Variants in LDLRAD1 observed in about 807,000 individuals in gnomAD.
LDLRAD1 encodes the protein low density lipoprotein receptor class A domain containing 1, also known as low-density lipoprotein receptor class A domain-containing protein 1.
A neutral mutation model predicts 24.8 loss-of-function variants in LDLRAD1; 17 were observed. That is an observed-to-expected ratio of 0.69 (90% CI 0.47 to 1.03). The LOEUF (loss-of-function observed/expected upper bound fraction) is 1.03. LDLRAD1 is among the 50% of genes least tolerant of loss of function. The probability of loss-of-function intolerance (pLI) is 0.00; values close to 1 mark genes in which losing one functional copy is unlikely to be tolerated. For synonymous variants in LDLRAD1, 103 were observed against 108.2 expected (o/e 0.95, Z 0.30); for missense variants, 277 against 271.0 (o/e 1.02, Z -0.16).
rs754181712 is a variant in LDLRAD1, at chr1:54,017,412, T to C, written c.37A>G (p.Thr13Ala). The C allele has an allele frequency of 6.2e-6, 10 of 1,603,526 alleles. No individual in the cohort carries two copies. The East Asian group carries it at 2.0e-4, about 32-fold the overall frequency. ...KVFPQGENGY[T>A]AAESKAHPGG... is the part of the protein sequence containing the mutation. ...GGGTGGGCTTTGGATTCAGCAGCAG[T>C]GTAGCCATTCTCTCCCTGCCCAAGA... is the stretch of plus-strand genomic sequence containing the variant. The change falls in exon 2 of 6, where the codon ACT (threonine) becomes GCT (alanine). Residue 13 changes from threonine (T) to alanine (A), a missense_variant. Transcript: ENST00000371360.
At chr1:54,017,766 G>A (rs547006372) in intron 1 of LDLRAD1, among the ~76,000 whole-genome samples, 3 of 152,176 alleles carry the variant, frequency 2.0e-5, no homozygotes, top group South Asian at 2.1e-4. Context: ...TGTCCACCTG[G>A]CTCCTCTGTT....
In LDLRAD1 at chr1:54,008,876, C is replaced by CGGTGGT; in HGVS notation, c.*105_*106insACCACC. ...CTATTCAGAAATGATGTGTAGATCC[C>CGGTGGT]ATTTCAAAGGCTGCTTCCTGCCCTT... On this transcript the variant is annotated 3_prime_UTR_variant, in exon 6 of 6. Coordinates refer to ENST00000371360, the MANE Select transcript of LDLRAD1 (RefSeq NM_001010978.4). The CGGTGGT allele has an allele frequency of 1.0e-6, 1 of 986,040 alleles. No homozygotes were observed. Among genetic ancestry groups the CGGTGGT allele is most frequent in the African/African-American group, 1.7e-5 (1 of 59,804 alleles). 61.1% of individuals were successfully genotyped at this position (986,040 alleles called of 1,614,324 possible). A position where few individuals can be genotyped will look rare whatever the true frequency, so the allele number is the denominator to read the frequency against.
Position 54,014,221 on chromosome 1 carries a change from C to T in LDLRAD1, c.202+15G>A. 1.9e-6 allele frequency: 3 copies of T among 1,571,326 alleles called. No individual in the cohort carries two copies. The highest frequency in any genetic ancestry group is 1.2e-5 in the South Asian group (1 of 85,390). On this transcript the variant is annotated intron_variant, in intron 3 of 5. Transcript: ENST00000371360. ...CCCCGCCGGGTCTGACCCACCCTCT[C>T]TTGGCCGCCCTGACCTGGGGTGCAT...
intron 3 of LDLRAD1, among the ~76,000 whole-genome samples, chr1:54,012,703 G>C (rs560519981): frequency 6.6e-6 from 1 of 152,296 alleles, no homozygotes; most frequent in African/African-American, 2.4e-5. Context: ...CTGGTACCAG[G>C]TTAGAGTGTC....
intron 5 of LDLRAD1, 22 bp downstream of exon 5, chr1:54,010,260 C>A: frequency 6.2e-7 from 1 of 1,613,326 alleles, no homozygotes; most frequent in South Asian, 1.1e-5. Flanking sequence ...AGCCCCAGCC[C>A]AGCCTGTGCC....
At chr1:54,013,866 G>A (rs1656172165) in intron 3 of LDLRAD1, among the ~76,000 whole-genome samples, 2 of 152,070 alleles carry the variant, frequency 1.3e-5, no homozygotes. Flanking sequence ...GGTCCCCTGT[G>A]GTGGAGATGG....
Position 54,010,216 on chromosome 1 carries a change from T to C in LDLRAD1, c.469+66A>G, listed in dbSNP as rs1391347152. On this transcript the variant is annotated intron_variant, in intron 5 of 5. Transcript: ENST00000371360. ...AGGGGGAGCCCTAGAGATTCCCTGCTCACCCTTTGCCCTCTGGCTGCTGCC... is the reference window on the plus strand; with the variant it reads ...AGGGGGAGCCCTAGAGATTCCCTGCCCACCCTTTGCCCTCTGGCTGCTGCC... 5 of 1,586,356 alleles carry C rather than the reference T, an allele frequency of 3.2e-6. No homozygotes were observed. The African/African-American group carries it at 4.0e-5, about 13-fold the overall frequency.
chr1:54,017,793 C>A (rs1320928605), intron 1 of LDLRAD1, among the ~76,000 whole-genome samples: 21 of 152,142 alleles, frequency 1.4e-4, no homozygotes, highest in Admixed American at 1.4e-3. Context: ...CCAGCACTTG[C>A]CACCTGGACT....
At chr1:54,009,956 G>T (rs549150185) in intron 5 of LDLRAD1, among the ~76,000 whole-genome samples, 1 of 152,156 alleles carries the variant, frequency 6.6e-6, no homozygotes, top group Admixed American at 6.5e-5. Context: ...GGGTCACTGG[G>T]AGGTGCAGAG....
chr1:54,010,209 T>C, intron 5 of LDLRAD1, 73 bp downstream of exon 5: 1 of 1,562,644 alleles, frequency 6.4e-7, no homozygotes. Context: ...CCCTAGAGAT[T>C]CCCTGCTCAC....
chr1:54,013,284 T>C (rs1391304914), intron 3 of LDLRAD1, among the ~76,000 whole-genome samples: 1 of 152,074 alleles, frequency 6.6e-6, no homozygotes, highest in Admixed American at 6.6e-5. Context: ...GCACACAGGC[T>C]CTTGACTGCA....
chr1:54,011,615 G>T (rs182129664), intron 4 of LDLRAD1, among the ~76,000 whole-genome samples: 30 of 152,276 alleles, frequency 2.0e-4, no homozygotes, highest in Non-Finnish European at 2.9e-4. Flanking sequence ...TGTGTCTAAG[G>T]TCTGGGGCCA....
At position 54,012,239 on chromosome 1, in the gene LDLRAD1, A is replaced by G. The variant is rs771970537; in HGVS notation, c.244T>C (p.Leu82=). ...ATGCAGCTCCTCTGGTCATGGCACAAGAAGCCTGTCCTGTTTGTCAGTGTT... is the reference window on the plus strand; with the variant it reads ...ATGCAGCTCCTCTGGTCATGGCACAGGAAGCCTGTCCTGTTTGTCAGTGTT... The part of the protein sequence containing the change: ...CITLTNRTGF[L]CHDQRSCIPA... Residue 82 remains leucine (L), a synonymous_variant, in exon 4 of 6, where the codon TTG becomes CTG. Transcript: ENST00000371360. 7 of 1,614,154 alleles carry G rather than the reference A, an allele frequency of 4.3e-6. No individual in the cohort carries two copies. The highest frequency in any genetic ancestry group is 3.3e-5 in the South Asian group (3 of 91,080).
intron 4 of LDLRAD1, 114 bp from the exon 5 acceptor site, chr1:54,010,524 A>T: frequency 9.5e-7 from 1 of 1,058,048 alleles, no homozygotes; most frequent in Non-Finnish European, 1.4e-6. Flanking sequence ...ATCAGTGCCC[A>T]TCCAGCCCAG....
Position 54,018,136 on chromosome 1 carries a change from CTG to C in LDLRAD1, c.-26_-25del, listed in dbSNP as rs1347007007. ...ATGTCTTCGGTTTCCTGCTGCCCGA[CTG>C]GGGCTGTGTGCAGAGAGCTCAGCAC... On this transcript the variant is annotated 5_prime_UTR_variant, in exon 1 of 6. Coordinates refer to ENST00000371360, the MANE Select transcript of LDLRAD1 (RefSeq NM_001010978.4). 1 of 1,613,388 alleles carries C rather than the reference CTG, an allele frequency of 6.2e-7. No individual in the cohort carries two copies. The highest frequency in any genetic ancestry group is 1.7e-5 in the Admixed American group (1 of 59,898).
chr1:54,008,277 C>T lies in LDLRAD1; in HGVS notation c.*705G>A, dbSNP rs1373612357. On this transcript the variant is annotated 3_prime_UTR_variant, in exon 6 of 6. Coordinates refer to ENST00000371360, the MANE Select transcript of LDLRAD1 (RefSeq NM_001010978.4). The stretch of plus-strand genomic sequence containing the variant: ...AGTAGAGCCTGCTGGGTTAACTAAA[C>T]TGGGGAAGATGCTAAAGTTGCATCC... 1.3e-5 allele frequency: 2 copies of T among 152,214 alleles called. No homozygotes were observed. The allele number at this position is 152,214 out of a possible 1,614,324, so 9.4% of individuals were successfully genotyped here.
chr1:54,015,198 A>G (rs1003134214), intron 2 of LDLRAD1, among the ~76,000 whole-genome samples: 10 of 152,042 alleles, frequency 6.6e-5, no homozygotes, highest in African/African-American at 2.4e-4. Context: ...TATAAGTCCT[A>G]GGCTCAAGCA....
chr1:54,010,201 C>G, intron 5 of LDLRAD1, 81 bp downstream of exon 5: 1 of 1,523,534 alleles, frequency 6.6e-7, no homozygotes, highest in East Asian at 2.3e-5. Context: ...AGGGGGAGCC[C>G]TAGAGATTCC....
intron 2 of LDLRAD1, among the ~76,000 whole-genome samples, chr1:54,015,576 G>A (rs1296401183): frequency 2.6e-5 from 4 of 152,100 alleles, no homozygotes; most frequent in Non-Finnish European, 5.9e-5. Flanking sequence ...GAAAGGGGCA[G>A]GAGCAGGTGT....
Sources: allele counts gnomAD v4.1 joint callset (sites outside exome capture counted in the v4.1 genomes callset), GRCh38; gene constraint gnomAD v4.1.1; transcripts MANE v1.5; gene names NCBI Gene and HGNC (gene_info 2026-07-23, HGNC 2026-07-21).